The following MYO10 variants were observed in gnomAD, a reference collection of about 807,000 sequenced individuals.
MYO10 encodes unconventional myosin-X.
In MYO10, 133 loss-of-function variants were observed where a neutral mutation model predicts 257.3. That is an observed-to-expected ratio of 0.52 (90% CI 0.45 to 0.60). MYO10 has a LOEUF of 0.60. Among genes scored for constraint, MYO10 ranks in the 20% least tolerant of loss-of-function variants. The pLI, the probability that MYO10 is intolerant of heterozygous loss-of-function variation, is 0.00. For missense variants in MYO10, 2,399 were observed against 2,635.7 expected, an observed-to-expected ratio of 0.91 and a Z score of 1.97; for synonymous variants, 1,104 against 1,028.6, an observed-to-expected ratio of 1.07 and a Z score of -1.40.
At chr5:16,806,132 G>T (rs1742269054) in intron 3 of MYO10, among the ~76,000 whole-genome samples, 1 of 151,010 alleles carries the variant, frequency 6.6e-6, no homozygotes, top group African/African-American at 2.4e-5. Flanking sequence ...GTCATTTGAG[G>T]TCAGGAGTTT....
At chr5:16,816,239 T>C (rs1253975082) in intron 3 of MYO10, among the ~76,000 whole-genome samples, 2 of 149,234 alleles carry the variant, frequency 1.3e-5, no homozygotes, top group Non-Finnish European at 3.0e-5. Flanking sequence ...CTCGGGAGGC[T>C]GAGGCAGGAG....
intron 19 of MYO10, among the ~76,000 whole-genome samples, chr5:16,720,362 G>C (rs1419348044): frequency 6.6e-6 from 1 of 152,142 alleles, no homozygotes; most frequent in Non-Finnish European, 1.5e-5. Flanking sequence ...CACATTGCTA[G>C]ACTATTTCTC....
intron 17 of MYO10, among the ~76,000 whole-genome samples, chr5:16,761,179 T>C (rs1183929713): frequency 6.6e-6 from 1 of 151,928 alleles, no homozygotes; most frequent in East Asian, 1.9e-4. Flanking sequence ...TCAGTAGAGA[T>C]GGGGTTTCAC....
chr5:16,738,873 A>ATAATC (rs1347354135), intron 19 of MYO10, among the ~76,000 whole-genome samples: 2 of 144,856 alleles, frequency 1.4e-5, no homozygotes, highest in Non-Finnish European at 1.5e-5. Context: ...CCTGGGCAAC[A>ATAATC]AAGGGAGACT....
chr5:16,864,220 TCA>T (rs1744182288), intron 2 of MYO10, among the ~76,000 whole-genome samples: 1 of 151,606 alleles, frequency 6.6e-6, no homozygotes, highest in South Asian at 2.1e-4. Flanking sequence ...TGCCATATGA[TCA>T]CAGTCTTAAT....
chr5:16,681,964 C>T lies in MYO10; in HGVS notation c.4096G>A (p.Ala1366Thr), dbSNP rs1737025675. 8 of 1,613,734 alleles carry T rather than the reference C, an allele frequency of 5.0e-6. No individual in the cohort carries two copies. The highest frequency in any genetic ancestry group is 1.7e-5 in the Admixed American group (1 of 59,982). ...TGGTGCATCTCCTCCGGCGTGTCGG[C>T]GTTGCAGTGCAGCACCCGGTTGGCC... ...ITANRVLHCN[A>T]DTPEEMHHWI... The change falls in exon 31 of 41, where the codon GCC becomes ACC. Residue 1366 changes from alanine (A) to threonine (T), a missense_variant. By Grantham distance (58) the Ala-to-Thr change is moderately conservative (BLOSUM62 0). Coordinates refer to ENST00000513610, the MANE Select transcript of MYO10 (RefSeq NM_012334.3).
intron 2 of MYO10, among the ~76,000 whole-genome samples, chr5:16,848,843 TAC>T (rs1743719292): frequency 6.6e-6 from 1 of 152,178 alleles, no homozygotes; most frequent in African/African-American, 2.4e-5. Flanking sequence ...TCACAGCACC[TAC>T]ATAACCTGTA....
intron 3 of MYO10, among the ~76,000 whole-genome samples, chr5:16,813,749 C>A (rs777209118): frequency 6.6e-6 from 1 of 152,060 alleles, no homozygotes; most frequent in Non-Finnish European, 1.5e-5. Context: ...GAGGCCCAAT[C>A]TAATCATGTG....
chr5:16,762,146 A>AAAG, intron 15 of MYO10, 33 bp from the exon 16 acceptor site: 1 of 1,334,280 alleles, frequency 7.5e-7, no homozygotes, highest in Non-Finnish European at 1.0e-6. Context: ...AAAAAAAAAT[A>AAAG]CAATGCCTTA....
At chr5:16,821,945 G>C (rs913442457) in intron 2 of MYO10, among the ~76,000 whole-genome samples, 6 of 148,622 alleles carry the variant, frequency 4.0e-5, no homozygotes, top group African/African-American at 1.5e-4. Context: ...ATTATTTCAA[G>C]ATACAGGATT....
rs1180283996 is a variant in MYO10, at chr5:16,905,096, T to C, written c.22-27389A>G. Among the ~76,000 whole-genome samples the C allele has an allele frequency of 2.6e-5, 4 of 152,284 alleles. No homozygotes were observed. In the East Asian group the frequency reaches 7.7e-4, roughly 29 times the overall value. On this transcript the variant is annotated intron_variant, in intron 1 of 40. Transcript: ENST00000513610. ...CTCTACTCAGTGAGTCTTGCATATGTAACACACCGAACATCAGGCAGCAAA... is the reference window on the plus strand; with the variant it reads ...CTCTACTCAGTGAGTCTTGCATATGCAACACACCGAACATCAGGCAGCAAA...
At chr5:16,846,660 G>A (rs1743643782) in intron 2 of MYO10, among the ~76,000 whole-genome samples, 1 of 152,174 alleles carries the variant, frequency 6.6e-6, no homozygotes, top group Admixed American at 6.5e-5. Flanking sequence ...GTTGTGCAGG[G>A]ACTGCCTTTG....
intron 26 of MYO10, 25 bp from the exon 27 acceptor site, chr5:16,694,639 G>A: frequency 6.2e-7 from 1 of 1,610,976 alleles, no homozygotes; most frequent in East Asian, 2.2e-5. Flanking sequence ...ATTGGGTAGA[G>A]AGGGGTGAAA....
chr5:16,887,870 C>A (rs932242750), intron 1 of MYO10, among the ~76,000 whole-genome samples: 1 of 152,144 alleles, frequency 6.6e-6, no homozygotes, highest in Non-Finnish European at 1.5e-5. Flanking sequence ...ATCTTTTAAA[C>A]TACAGTGACC....
chr5:16,833,812 A>T (rs1267812336), intron 2 of MYO10, among the ~76,000 whole-genome samples: 1 of 152,188 alleles, frequency 6.6e-6, no homozygotes, highest in Non-Finnish European at 1.5e-5. Context: ...TCTTAGTGCA[A>T]ACAGAGTGAG....
At chr5:16,924,361 C>A (rs137919433) in intron 1 of MYO10, among the ~76,000 whole-genome samples, 2 of 152,254 alleles carry the variant, frequency 1.3e-5, no homozygotes, top group South Asian at 2.1e-4. Context: ...CAATGTATTT[C>A]CTTAAGCTTC....
chr5:16,835,665 C>T (rs1743291830), intron 2 of MYO10, among the ~76,000 whole-genome samples: 1 of 151,730 alleles, frequency 6.6e-6, no homozygotes, highest in Non-Finnish European at 1.5e-5. Flanking sequence ...TGTCCACCAA[C>T]CCCATCCCCA....
intron 19 of MYO10, chr5:16,738,469 C>A: frequency 2.1e-6 from 2 of 950,372 alleles, no homozygotes; most frequent in Non-Finnish European, 1.3e-6. Context: ...GAAGATTGCT[C>A]AAGGTGAGGG....
At chr5:16,675,884 C>T (rs1736699213) in intron 34 of MYO10, 147 bp downstream of exon 34, 1 of 984,642 alleles carries the variant, frequency 1.0e-6, no homozygotes, top group African/African-American at 1.7e-5. Flanking sequence ...AATAATGAAT[C>T]TAAGTATATT....
Sources: allele counts gnomAD v4.1 joint callset (sites outside exome capture counted in the v4.1 genomes callset), GRCh38; gene constraint gnomAD v4.1.1; transcripts MANE v1.5; gene names NCBI Gene and HGNC (gene_info 2026-07-23, HGNC 2026-07-21).